Variants in RAB40C observed in about 807,000 individuals in gnomAD.
The protein encoded by RAB40C is RAB40C, member RAS oncogene family.
RAB40C carries 8 observed loss-of-function variants against 28.1 expected under a neutral mutation model. The observed-to-expected ratio is 0.28, with a 90% CI of 0.17 to 0.51. The LOEUF (loss-of-function observed/expected upper bound fraction) is 0.51, where lower values mean the gene tolerates loss of function less well. Among genes scored for constraint, RAB40C ranks in the 20% least tolerant of loss-of-function variants. The pLI is 0.97. For missense variants in RAB40C, 288 were observed against 405.9 expected, an observed-to-expected ratio of 0.71 and a Z score of 2.50; for synonymous variants, 201 against 171.7, an observed-to-expected ratio of 1.17 and a Z score of -1.34.
At chr16:609,616 G>A (rs997497070) in intron 1 of RAB40C, among the ~76,000 whole-genome samples, 1 of 152,144 alleles carries the variant, frequency 6.6e-6, no homozygotes, top group Non-Finnish European at 1.5e-5. Flanking sequence ...TACCATTGGC[G>A]TCATCAGAGA....
At chr16:613,630 C>T (rs1054879251) in intron 1 of RAB40C, among the ~76,000 whole-genome samples, 39 of 152,200 alleles carry the variant, frequency 2.6e-4, no homozygotes, top group African/African-American at 9.4e-4. Flanking sequence ...GTCGGTTTTT[C>T]TTCTTTGGGG....
intron 2 of RAB40C, 148 bp downstream of exon 2, chr16:617,416 T>C: frequency 1.0e-6 from 1 of 965,950 alleles, no homozygotes; most frequent in South Asian, 1.5e-5. Flanking sequence ...ATAGAATGGA[T>C]TTTACTCCAA....
intron 3 of RAB40C, chr16:624,230 G>A (rs1260592330): frequency 2.0e-6 from 2 of 985,398 alleles, no homozygotes; most frequent in South Asian, 9.4e-5. Context: ...AGGGAGAGTG[G>A]GCTGTGTTGT....
Position 627,586 on chromosome 16 carries a change from C to CA in RAB40C, c.810_811insA (p.Gln271ThrfsTer7), listed in dbSNP as rs779138528. ...CCATCCGTCCACCCCAGAGCCCCCC[C>CA]CAGAACTGCTCGCGGAGTAACTGCA... On this transcript the variant is annotated frameshift_variant, in exon 6 of 6. Transcript: ENST00000248139. LOFTEE classifies it high-confidence loss of function. The CA allele has an allele frequency of 6.2e-7, 1 of 1,604,760 alleles. No individual in the cohort carries two copies. The highest frequency in any genetic ancestry group is 1.3e-5 in the African/African-American group (1 of 74,828).
Position 590,256 on chromosome 16 carries a change from G to GGCAGGCGGCCGGCGCGGGGC in RAB40C, c.-26_-7dup. 6.1e-3 allele frequency: 8,640 copies of GGCAGGCGGCCGGCGCGGGGC among 1,418,560 alleles called. 31 individuals carry two copies. Among genetic ancestry groups the GGCAGGCGGCCGGCGCGGGGC allele is most frequent in the Non-Finnish European group, 7.1e-3 (7,686 of 1,081,324 alleles). The allele number at this position is 1,418,560 out of a possible 1,614,324, so 87.9% of individuals were successfully genotyped here. A position where few individuals can be genotyped will look rare whatever the true frequency, so the allele number is the denominator to read the frequency against. ...CCGCGGCCTCACCCGGCGGTGCTTC[G>GGCAGGCGGCCGGCGCGGGGC]GCAGGCGGCCGGCGCGGGGCGCAGG... is the stretch of plus-strand genomic sequence containing the variant. On this transcript the variant is annotated 5_prime_UTR_variant, in exon 1 of 6. Transcript: ENST00000248139.
intron 3 of RAB40C, among the ~76,000 whole-genome samples, chr16:620,308 G>A (rs759884295): frequency 6.6e-6 from 1 of 151,872 alleles, no homozygotes; most frequent in Non-Finnish European, 1.5e-5. Context: ...CAGGAGAATC[G>A]CTTGAACCCA....
chr16:593,519 T>C lies in RAB40C; in HGVS notation c.142+3086T>C, dbSNP rs371885916. Among the ~76,000 whole-genome samples the C allele has an allele frequency of 8.5e-5, 13 of 152,378 alleles. No individual in the cohort carries two copies. The South Asian group carries it at 2.7e-3, about 32-fold the overall frequency. ...GAGGCCCCTTCTGTGCAAGGCTTAC[T>C]GCTTCAGCATGGCCCACAGCTCCTT... is the stretch of plus-strand genomic sequence containing the variant. On this transcript the variant is annotated intron_variant, in intron 1 of 5. Transcript: ENST00000248139.
intron 1 of RAB40C, among the ~76,000 whole-genome samples, chr16:616,038 A>G (rs562368377): frequency 6.6e-6 from 1 of 152,214 alleles, no homozygotes; most frequent in East Asian, 1.9e-4. Context: ...CGGGTGGATC[A>G]TGAGGTCAGG....
At position 627,623 on chromosome 16, in the gene RAB40C, C is replaced by T. The variant is rs532662707; in HGVS notation, c.*1C>T. On this transcript the variant is annotated 3_prime_UTR_variant, in exon 6 of 6. Transcript: ENST00000248139. ...GCGGAGTAACTGCAAGATCTCCTAG[C>T]GGGGATGGGCGGGGCCGCCTGTGCA... The T allele has an allele frequency of 1.5e-5, 24 of 1,569,238 alleles. No individual in the cohort carries two copies. The highest frequency in any genetic ancestry group is 6.0e-5 in the South Asian group (5 of 83,318).
intron 3 of RAB40C, chr16:624,276 C>A: frequency 1.0e-6 from 1 of 985,442 alleles, no homozygotes. Flanking sequence ...CTCTCCACCT[C>A]CCCCAGCAGC....
At position 627,750 on chromosome 16, in the gene RAB40C, C is replaced by G; in HGVS notation, c.*128C>G. On this transcript the variant is annotated 3_prime_UTR_variant, in exon 6 of 6. Transcript: ENST00000248139. Reference sequence around the variant, plus strand: ...AGCTGCCTCAGAAGCGCCGGGCTTTCCTCACACCTGAGCCGGGTGCGAGGA... The same window carrying G: ...AGCTGCCTCAGAAGCGCCGGGCTTTGCTCACACCTGAGCCGGGTGCGAGGA... The G allele has an allele frequency of 8.2e-7, 1 of 1,219,306 alleles. No individual in the cohort carries two copies. The highest frequency in any genetic ancestry group is 1.1e-6 in the Non-Finnish European group (1 of 905,894). The allele number at this position is 1,219,306 out of a possible 1,614,324, so 75.5% of individuals were successfully genotyped here.
Position 590,127 on chromosome 16 carries a change from C to T in RAB40C, c.-165C>T, listed in dbSNP as rs1346613171. 4.2e-6 allele frequency: 1 copy of T among 236,804 alleles called. No individual in the cohort carries two copies. The highest frequency in any genetic ancestry group is 6.5e-6 in the Non-Finnish European group (1 of 152,878). The allele number at this position is 236,804 out of a possible 1,614,324, so 14.7% of individuals were successfully genotyped here. On this transcript the variant is annotated 5_prime_UTR_variant, in exon 1 of 6. Coordinates refer to ENST00000248139, the MANE Select transcript of RAB40C (RefSeq NM_021168.5). Reference sequence around the variant, plus strand: ...GGCGGCGGCGAGGCTGAGGTGCGCCCGGGCGCGGGCGGGGCGGGGCCGGCG... The same window carrying T: ...GGCGGCGGCGAGGCTGAGGTGCGCCTGGGCGCGGGCGGGGCGGGGCCGGCG...
intron 1 of RAB40C, among the ~76,000 whole-genome samples, chr16:606,209 G>A (rs1412919468): frequency 1.8e-3 from 55 of 30,998 alleles, no homozygotes; most frequent in South Asian, 5.8e-3. Flanking sequence ...GGTTTCCCTG[G>A]GCTGAAGTCA....
At chr16:607,501 CAAAA>C (rs536655116) in intron 1 of RAB40C, among the ~76,000 whole-genome samples, 2 of 100,984 alleles carry the variant, frequency 2.0e-5, no homozygotes, top group African/African-American at 3.3e-5. Flanking sequence ...GAAACTGTCT[CAAAA>C]AAAAAAAAAA....
At chr16:602,430 TAAA>T (rs1363453955) in intron 1 of RAB40C, among the ~76,000 whole-genome samples, 19 of 152,116 alleles carry the variant, frequency 1.2e-4, no homozygotes, top group Non-Finnish European at 2.5e-4. Flanking sequence ...AATTTTTTAA[TAAA>T]TTATTTTTTT....
chr16:596,722 GGAA>G (rs909670468), intron 1 of RAB40C, among the ~76,000 whole-genome samples: 8 of 152,312 alleles, frequency 5.3e-5, no homozygotes, highest in African/African-American at 1.9e-4. Flanking sequence ...AGCAGCTGTG[GGAA>G]GAAGGACTGG....
chr16:626,142 C>T, intron 5 of RAB40C, 21 bp downstream of exon 5: 1 of 1,600,450 alleles, frequency 6.2e-7, no homozygotes, highest in African/African-American at 1.3e-5. Flanking sequence ...GGGCGCCGGC[C>T]AGCCCTGAGG....
chr16:607,809 A>G (rs976870594), intron 1 of RAB40C, among the ~76,000 whole-genome samples: 3 of 152,194 alleles, frequency 2.0e-5, no homozygotes, highest in Non-Finnish European at 4.4e-5. Context: ...AAAGAAAAGA[A>G]AAGAAAGTCG....
intron 2 of RAB40C, among the ~76,000 whole-genome samples, 181 bp downstream of exon 2, chr16:617,449 AC>A (rs2036610649): frequency 6.6e-6 from 1 of 152,204 alleles, no homozygotes; most frequent in African/African-American, 2.4e-5. Context: ...AGTCTGGGAC[AC>A]TGTGTCCCTA....
Sources: allele counts gnomAD v4.1 joint callset (sites outside exome capture counted in the v4.1 genomes callset), GRCh38; gene constraint gnomAD v4.1.1; transcripts MANE v1.5; gene names NCBI Gene and HGNC (gene_info 2026-07-23, HGNC 2026-07-21).